The following BCAS3 variants were observed in gnomAD, a reference collection of about 807,000 sequenced individuals.
The protein encoded by BCAS3 is BCAS3 microtubule associated cell migration factor, also known as BCAS4/BCAS3 fusion.
Under a neutral mutation model 116.1 loss-of-function variants are expected in BCAS3, and 53 were observed. The observed-to-expected ratio is 0.46, with a 90% CI of 0.37 to 0.57. The LOEUF is 0.57. BCAS3 is among the 20% of genes least tolerant of loss of function. The pLI is 0.00. For synonymous variants in BCAS3, 391 were observed against 408.2 expected, an observed-to-expected ratio of 0.96 and a Z score of 0.51; for missense variants, 917 against 1,165.4, an observed-to-expected ratio of 0.79 and a Z score of 3.10.
intron 22 of BCAS3, among the ~76,000 whole-genome samples, chr17:61,165,754 CCTA>C (rs1254347468): frequency 2.0e-5 from 3 of 152,028 alleles, no homozygotes; most frequent in Non-Finnish European, 2.9e-5. Flanking sequence ...AAAAAGTTAT[CCTA>C]CTATTTTTTC....
intron 13 of BCAS3, among the ~76,000 whole-genome samples, chr17:60,939,926 T>C (rs942441575): frequency 2.6e-5 from 4 of 152,158 alleles, no homozygotes; most frequent in African/African-American, 7.2e-5. Flanking sequence ...TAAATATCTA[T>C]TTGGTAAGGA....
intron 7 of BCAS3, among the ~76,000 whole-genome samples, chr17:60,829,669 G>T (rs1010383934): frequency 2.3e-4 from 35 of 152,072 alleles, no homozygotes; most frequent in African/African-American, 8.5e-4. Context: ...ACTAGGAGTG[G>T]ACTTGCTGGG....
At chr17:61,027,235 C>A in intron 16 of BCAS3, 1 of 432,296 alleles carries the variant, frequency 2.3e-6, no homozygotes, top group Non-Finnish European at 4.2e-6. Context: ...AGTATTATGG[C>A]ATTAGAAGTT....
At position 61,208,812 on chromosome 17, in the gene BCAS3, C is replaced by T. The variant is rs1316383915; in HGVS notation, c.2425+124248C>T. 6.6e-6 allele frequency among the ~76,000 whole-genome samples: 1 copy of T among 150,430 alleles called. No individual in the cohort carries two copies. The highest frequency in any genetic ancestry group is 2.5e-5 in the African/African-American group (1 of 40,636). On this transcript the variant is annotated intron_variant, in intron 22 of 23. Coordinates refer to ENST00000407086, the MANE Select transcript of BCAS3 (RefSeq NM_017679.5). The surrounding 1 kb of genome is among the most constrained non-coding windows in gnomAD (Gnocchi z 4.5). ...CTCGCTGGTGCTCTCTGCAAACTTGCAGTGCAAGTCTATGATATAAGTGGT... is the reference window on the plus strand; with the variant it reads ...CTCGCTGGTGCTCTCTGCAAACTTGTAGTGCAAGTCTATGATATAAGTGGT...
At chr17:61,081,782 G>A (rs796072855) in intron 21 of BCAS3, among the ~76,000 whole-genome samples, 2 of 152,208 alleles carry the variant, frequency 1.3e-5, no homozygotes, top group African/African-American at 2.4e-5. Flanking sequence ...CCTCATTCTC[G>A]TTTATGATCA....
At chr17:61,070,952 A>G (rs1373807717) in intron 19 of BCAS3, among the ~76,000 whole-genome samples, 1 of 152,230 alleles carries the variant, frequency 6.6e-6, no homozygotes, top group Non-Finnish European at 1.5e-5. Flanking sequence ...AACAACAACA[A>G]CAACTACAAC....
intron 22 of BCAS3, among the ~76,000 whole-genome samples, chr17:61,350,771 T>C (rs1361822750): frequency 6.6e-6 from 1 of 152,068 alleles, no homozygotes; most frequent in Non-Finnish European, 1.5e-5. Flanking sequence ...TAGCTGGGAC[T>C]ACAAGCATGT....
intron 22 of BCAS3, among the ~76,000 whole-genome samples, chr17:61,271,294 G>GT (rs950437405): frequency 4.3e-5 from 6 of 138,698 alleles, no homozygotes; most frequent in African/African-American, 1.6e-4. Flanking sequence ...CGCCCGACTA[G>GT]TTTTTTGTAT....
At chr17:61,254,654 G>A (rs1033011104) in intron 22 of BCAS3, among the ~76,000 whole-genome samples, 29 of 151,320 alleles carry the variant, frequency 1.9e-4, no homozygotes, top group African/African-American at 4.1e-4. Context: ...GTGGGCGCCT[G>A]TAGTCCCAGC....
intron 14 of BCAS3, among the ~76,000 whole-genome samples, chr17:60,974,999 GT>G (rs577462434): frequency 4.4e-4 from 58 of 131,960 alleles, no homozygotes; most frequent in South Asian, 9.0e-4. Flanking sequence ...TTGCTTTTTT[GT>G]TTTTTTTTTT....
At position 60,756,117 on chromosome 17, in the gene BCAS3, C is replaced by T. The variant is rs1024820278; in HGVS notation, c.403+8838C>T. ...AGCCAGTTTTTCCATGGATGGGGGGCGTGGTGGGGGATTATTTCAGGATGA... is the reference window on the plus strand; with the variant it reads ...AGCCAGTTTTTCCATGGATGGGGGGTGTGGTGGGGGATTATTTCAGGATGA... On this transcript the variant is annotated intron_variant, in intron 6 of 23. Coordinates refer to ENST00000407086, the MANE Select transcript of BCAS3 (RefSeq NM_017679.5). 2.7e-5 allele frequency among the ~76,000 whole-genome samples: 4 copies of T among 149,802 alleles called. No homozygotes were observed. In the Admixed American group the frequency reaches 2.7e-4, roughly 10 times the overall value.
At chr17:60,780,021 G>A (rs1431618105) in intron 6 of BCAS3, among the ~76,000 whole-genome samples, 1 of 147,040 alleles carries the variant, frequency 6.8e-6, no homozygotes, top group East Asian at 2.0e-4. Context: ...ATGGAGTCTC[G>A]CTCTGTTGCC....
At chr17:60,879,100 G>C (rs1024341595) in intron 9 of BCAS3, among the ~76,000 whole-genome samples, 1 of 152,076 alleles carries the variant, frequency 6.6e-6, no homozygotes, top group Non-Finnish European at 1.5e-5. Flanking sequence ...CTGGGATGTA[G>C]GGAGCAGGTG....
At position 60,850,345 on chromosome 17, in the gene BCAS3, G is replaced by GTTTTTTTTTTTTT. The variant is rs10573405; in HGVS notation, c.477-18214_477-18202dup. Among the ~76,000 whole-genome samples the GTTTTTTTTTTTTT allele has an allele frequency of 1.3e-4, 5 of 37,734 alleles. 2 individuals are homozygous for GTTTTTTTTTTTTT. The highest frequency in any genetic ancestry group is 5.6e-4 in the African/African-American group (4 of 7,108). The allele number at this position is 37,734 out of a possible 152,430, so 24.8% of individuals were successfully genotyped here. On this transcript the variant is annotated intron_variant, in intron 7 of 23. Transcript: ENST00000407086. ...CCTCCCCCTAACTCCTGGCACCACT[G>GTTTTTTTTTTTTT]TTTTTTTTTTTTTTTTTTTTTTTTT...
At chr17:60,816,264 C>T (rs1047043959) in intron 7 of BCAS3, among the ~76,000 whole-genome samples, 5 of 145,216 alleles carry the variant, frequency 3.4e-5, no homozygotes, top group Non-Finnish European at 4.5e-5. Flanking sequence ...TATAACTTTT[C>T]TTTCTTTTTC....
chr17:61,291,967 A>G (rs1288099747), intron 22 of BCAS3, among the ~76,000 whole-genome samples: 1 of 152,182 alleles, frequency 6.6e-6, no homozygotes, highest in Non-Finnish European at 1.5e-5. Context: ...ATCCTGGAAC[A>G]GTTGCTCAGA....
intron 4 of BCAS3, among the ~76,000 whole-genome samples, chr17:60,692,432 C>T (rs991812419): frequency 1.4e-4 from 21 of 151,928 alleles, no homozygotes; most frequent in African/African-American, 5.1e-4. Context: ...TTAGTAGAGA[C>T]GGGGTTTCAT....
intron 17 of BCAS3, among the ~76,000 whole-genome samples, chr17:61,036,766 G>A (rs957145739): frequency 4.6e-5 from 7 of 152,296 alleles, no homozygotes; most frequent in Admixed American, 2.6e-4. Flanking sequence ...TATAAAGTCA[G>A]TTGATTAGAT....
At chr17:61,062,036 C>T (rs1399445762) in intron 19 of BCAS3, among the ~76,000 whole-genome samples, 1 of 152,070 alleles carries the variant, frequency 6.6e-6, no homozygotes, top group African/African-American at 2.4e-5. Context: ...ATAAGGTCAA[C>T]TTTTATTTTG....
Sources: allele counts gnomAD v4.1 joint callset (sites outside exome capture counted in the v4.1 genomes callset), GRCh38; gene constraint gnomAD v4.1.1; non-coding constraint Gnocchi (gnomAD v3.1); transcripts MANE v1.5; gene names NCBI Gene and HGNC (gene_info 2026-07-23, HGNC 2026-07-21).